Variants in TNNI2 observed in about 807,000 individuals in gnomAD.
TNNI2 encodes troponin I, fast skeletal muscle.
TNNI2 carries 14 observed loss-of-function variants against 26.5 expected under a neutral mutation model. The ratio of observed to expected loss-of-function variants is 0.53; its 90% CI spans 0.35 to 0.83. TNNI2 has a LOEUF of 0.83. Ranked by LOEUF, TNNI2 falls within the 40% of genes least tolerant of loss-of-function variation. The pLI is 0.01. For synonymous variants in TNNI2, 126 were observed against 97.6 expected, an observed-to-expected ratio of 1.29 and a Z score of -1.71; for missense variants, 205 against 248.5, an observed-to-expected ratio of 0.82 and a Z score of 1.18.
intron 3 of TNNI2, chr11:1,840,158 TC>T (rs1847130219): frequency 6.6e-7 from 1 of 1,523,648 alleles, no homozygotes; most frequent in African/African-American, 1.4e-5. Context: ...GGCCCTCCTC[TC>T]CCCCAGCCTC....
intron 5 of TNNI2, 24 bp from the exon 6 acceptor site, chr11:1,840,795 G>T: frequency 1.9e-6 from 3 of 1,603,640 alleles, no homozygotes; most frequent in Middle Eastern, 1.9e-4. Context: ...CAGGACGGCC[G>T]CCCGCCCCCA....
intron 1 of TNNI2, chr11:1,839,463 T>C (rs1847115179): frequency 3.4e-6 from 2 of 579,976 alleles, no homozygotes; most frequent in African/African-American, 3.7e-5. Flanking sequence ...CCTGGGACAT[T>C]TTGGGAACAC....
At position 1,841,607 on chromosome 11, in the gene TNNI2, G is replaced by A; in HGVS notation, c.*56G>A. ...GCCCGGCTCCCAGCAGAACATACTA[G>A]GGAGATGCACCCAGAGCCTGCCAGG... On this transcript the variant is annotated 3_prime_UTR_variant, in exon 8 of 8. Coordinates refer to ENST00000381911, the MANE Select transcript of TNNI2 (RefSeq NM_003282.4). 6.5e-7 allele frequency: 1 copy of A among 1,534,560 alleles called. No individual in the cohort carries two copies. The highest frequency in any genetic ancestry group is 9.0e-7 in the Non-Finnish European group (1 of 1,109,980).
rs910218836 is a variant in TNNI2 at position 1,840,654 on chromosome 11, C to A, written c.184C>A (p.Gln62Lys). The A allele has an allele frequency of 1.2e-6, 2 of 1,612,602 alleles. No individual in the cohort carries two copies. Among genetic ancestry groups the A allele is most frequent in the African/African-American group, 1.3e-5 (1 of 74,928 alleles). The change falls in exon 5 of 8, where the codon CAG becomes AAG. Residue 62 changes from glutamine (Q) to lysine (K), a missense_variant and splice_region_variant. Transcript: ENST00000381911. ...LHIPGSMSEV[Q>K]ELCKQLHAKI... ...TATCCCGGGCTCCATGTCTGAAGTGCAGGTACCAGCCCCTCCCCGGCCACC... is the reference window on the plus strand; with the variant it reads ...TATCCCGGGCTCCATGTCTGAAGTGAAGGTACCAGCCCCTCCCCGGCCACC...
In TNNI2 at chr11:1,839,717, C is replaced by T. The variant is rs762695369; in HGVS notation, c.8+13C>T. The T allele has an allele frequency of 1.9e-6, 3 of 1,613,772 alleles. No homozygotes were observed. The highest frequency in any genetic ancestry group is 2.5e-6 in the Non-Finnish European group (3 of 1,179,908). ...TCAGGATGGGAGAGTAAGTGGTACCCCTGTACCCCCATACAGTGACCCTGC... is the reference window on the plus strand; with the variant it reads ...TCAGGATGGGAGAGTAAGTGGTACCTCTGTACCCCCATACAGTGACCCTGC... On this transcript the variant is annotated intron_variant, in intron 2 of 7. Coordinates refer to ENST00000381911, the MANE Select transcript of TNNI2 (RefSeq NM_003282.4).
intron 7 of TNNI2, 106 bp downstream of exon 7, chr11:1,841,313 C>G: frequency 1.3e-6 from 2 of 1,540,850 alleles, no homozygotes. Context: ...GCCGGGGGCC[C>G]TGTACCACTG....
Position 1,840,814 on chromosome 11 carries a change from C to T in TNNI2, c.187-5C>T, listed in dbSNP as rs1198586970. On this transcript the variant is annotated splice_polypyrimidine_tract_variant and splice_region_variant and intron_variant, in intron 5 of 7. Transcript: ENST00000381911. Reference sequence around the variant, plus strand: ...ACGGCCGCCCGCCCCCACACCCACCCCTAGGAGCTCTGCAAACAGCTGCAC... The same window carrying T: ...ACGGCCGCCCGCCCCCACACCCACCTCTAGGAGCTCTGCAAACAGCTGCAC... 1 of 1,611,350 alleles carries T rather than the reference C, an allele frequency of 6.2e-7. No individual in the cohort carries two copies. Among genetic ancestry groups the T allele is most frequent in the Non-Finnish European group, 8.5e-7 (1 of 1,179,264 alleles).
At chr11:1,840,678 C>G in intron 5 of TNNI2, 22 bp downstream of exon 5, 2 of 1,612,550 alleles carry the variant, frequency 1.2e-6, no homozygotes, top group Non-Finnish European at 1.7e-6. Flanking sequence ...TCCCCGGCCA[C>G]CCCGCCTCCC....
chr11:1,839,933 C>G, intron 3 of TNNI2, 78 bp downstream of exon 3: 1 of 1,596,754 alleles, frequency 6.3e-7, no homozygotes, highest in Non-Finnish European at 8.6e-7. Context: ...GTCACAGCCT[C>G]AAGGCCCTAA....
At position 1,840,669 on chromosome 11, in the gene TNNI2, C is replaced by T. The variant is rs398123696; in HGVS notation, c.186+13C>T. 1.1e-4 allele frequency: 170 copies of T among 1,612,608 alleles called. No individual in the cohort carries two copies. The South Asian group carries it at 1.4e-3, about 13-fold the overall frequency. On this transcript the variant is annotated intron_variant, in intron 5 of 7. Transcript: ENST00000381911. ...GTCTGAAGTGCAGGTACCAGCCCCT[C>T]CCCGGCCACCCCGCCTCCCCAGCAG...
At position 1,840,603 on chromosome 11, in the gene TNNI2, C is replaced by G; in HGVS notation, c.133C>G (p.Leu45Val). ...CCGTGAGGCAGAGAAGCAGAACTAC[C>G]TGGCGGAGCACTGCCCGCCGCTGCA... The part of the protein sequence containing the change: ...SRREAEKQNY[L>V]AEHCPPLHIP... The change falls in exon 5 of 8, where the codon CTG (leucine) becomes GTG (valine). Residue 45 changes from leucine (L) to valine (V), a missense_variant. Coordinates refer to ENST00000381911, the MANE Select transcript of TNNI2 (RefSeq NM_003282.4). The G allele has an allele frequency of 6.2e-7, 1 of 1,612,782 alleles. No homozygotes were observed. Among genetic ancestry groups the G allele is most frequent in the Non-Finnish European group, 8.5e-7 (1 of 1,179,882 alleles).
intron 2 of TNNI2, 32 bp from the exon 3 acceptor site, chr11:1,839,817 C>T (rs1847123074): frequency 6.2e-7 from 1 of 1,613,864 alleles, no homozygotes; most frequent in Non-Finnish European, 8.5e-7. Context: ...TCTTCTCTCC[C>T]CGTCCTGCCT....
rs753513106 is a variant in TNNI2, at chr11:1,840,607, C to T, written c.137C>T (p.Ala46Val). 43 of 1,612,764 alleles carry T rather than the reference C, an allele frequency of 2.7e-5. 2 individuals are homozygous for T. In the South Asian group the frequency reaches 2.9e-4, roughly 11 times the overall value. The change falls in exon 5 of 8, where the codon GCG becomes GTG. Residue 46 changes from alanine (A) to valine (V), a missense_variant. Physicochemically the swap from Ala to Val is moderately conservative, Grantham distance 64. Coordinates refer to ENST00000381911, the MANE Select transcript of TNNI2 (RefSeq NM_003282.4). ...RREAEKQNYL[A>V]EHCPPLHIPG... is the part of the protein sequence containing the mutation. The stretch of plus-strand genomic sequence containing the variant: ...GAGGCAGAGAAGCAGAACTACCTGG[C>T]GGAGCACTGCCCGCCGCTGCATATC...
rs1847146902 is a variant in TNNI2, at chr11:1,840,609, G to A, written c.139G>A (p.Glu47Lys). ...GGCAGAGAAGCAGAACTACCTGGCGGAGCACTGCCCGCCGCTGCATATCCC... is the reference window on the plus strand; with the variant it reads ...GGCAGAGAAGCAGAACTACCTGGCGAAGCACTGCCCGCCGCTGCATATCCC... ...REAEKQNYLA[E>K]HCPPLHIPGS... Residue 47 changes from glutamate to lysine, a missense_variant, in exon 5 of 8, where the codon GAG becomes AAG. Transcript: ENST00000381911. The A allele has an allele frequency of 6.2e-7, 1 of 1,612,656 alleles. No homozygotes were observed. Among genetic ancestry groups the A allele is most frequent in the African/African-American group, 1.3e-5 (1 of 74,938 alleles).
Position 1,840,453 on chromosome 11 carries a change from G to A in TNNI2, c.57+9G>A. 1 of 1,610,626 alleles carries A rather than the reference G, an allele frequency of 6.2e-7. No individual in the cohort carries two copies. On this transcript the variant is annotated intron_variant, in intron 4 of 7. Coordinates refer to ENST00000381911, the MANE Select transcript of TNNI2 (RefSeq NM_003282.4). ...GCAGGCAGCACCTGAAGGTAGGTGT[G>A]GGCTCCCGGGGGGGTGGCCCAGGTG...
Position 1,841,042 on chromosome 11 carries a change from G to A in TNNI2, c.288G>A (p.Met96Ile). The change falls in exon 7 of 8, where the codon ATG becomes ATA. Residue 96 changes from methionine to isoleucine, a missense_variant. Transcript: ENST00000381911. ...TCCCCTGCCCACAGCTGGAGGACAT[G>A]AACCAGAAGCTATTTGATCTGCGGG... ...VQKTSKELED[M>I]NQKLFDLRGK... The A allele has an allele frequency of 1.2e-6, 2 of 1,612,962 alleles. No individual in the cohort carries two copies. Among genetic ancestry groups the A allele is most frequent in the Non-Finnish European group, 1.7e-6 (2 of 1,179,868 alleles).
chr11:1,839,790 C>A, intron 2 of TNNI2, 59 bp from the exon 3 acceptor site: 1 of 1,612,718 alleles, frequency 6.2e-7, no homozygotes, highest in Non-Finnish European at 8.5e-7. Context: ...CCCCGCCAGC[C>A]ATGGCCCTAA....
At chr11:1,840,261 C>T (rs983546692) in intron 3 of TNNI2, 142 bp from the exon 4 acceptor site, 1 of 1,549,850 alleles carries the variant, frequency 6.5e-7, no homozygotes, top group Non-Finnish European at 8.7e-7. Flanking sequence ...GGAGGCCCAG[C>T]CTGCCCATCA....
Position 1,841,615 on chromosome 11 carries a change from C to T in TNNI2, c.*64C>T. The T allele has an allele frequency of 2.0e-6, 3 of 1,467,836 alleles. No individual in the cohort carries two copies. Among genetic ancestry groups the T allele is most frequent in the South Asian group, 1.1e-5 (1 of 87,626 alleles). 90.9% of individuals were successfully genotyped at this position (1,467,836 alleles called of 1,614,324 possible). On this transcript the variant is annotated 3_prime_UTR_variant, in exon 8 of 8. Coordinates refer to ENST00000381911, the MANE Select transcript of TNNI2 (RefSeq NM_003282.4). The stretch of plus-strand genomic sequence containing the variant: ...CCCAGCAGAACATACTAGGGAGATG[C>T]ACCCAGAGCCTGCCAGGGAGGGCTG...
Sources: allele counts gnomAD v4.1 joint callset, GRCh38; gene constraint gnomAD v4.1.1; transcripts MANE v1.5; gene names NCBI Gene and HGNC (gene_info 2026-07-23, HGNC 2026-07-21).